The following ATP6V0A4 variants were observed in gnomAD, a reference collection of about 807,000 sequenced individuals.
The protein encoded by ATP6V0A4 is V-type proton ATPase 116 kDa subunit a 4.
In ATP6V0A4, 86 loss-of-function variants were observed where a neutral mutation model predicts 107.3. The observed-to-expected ratio is 0.80, with a 90% CI of 0.67 to 0.96. ATP6V0A4 has a LOEUF of 0.96. Ranked by LOEUF, ATP6V0A4 falls within the 40% of genes least tolerant of loss-of-function variation. The pLI, the probability that ATP6V0A4 is intolerant of heterozygous loss-of-function variation, is 0.00. For synonymous variants in ATP6V0A4, 353 were observed against 381.4 expected (o/e 0.93, Z 0.87); for missense variants, 908 against 1,045.6 (o/e 0.87, Z 1.81).
intron 1 of ATP6V0A4, among the ~76,000 whole-genome samples, chr7:138,787,953 T>C (rs1394505178): frequency 6.6e-6 from 1 of 152,028 alleles, no homozygotes; most frequent in Non-Finnish European, 1.5e-5. Context: ...TGAGTTGTGA[T>C]TGCACCACTG....
chr7:138,718,570 G>A (rs1172308685), intron 19 of ATP6V0A4, among the ~76,000 whole-genome samples: 14 of 60,168 alleles, frequency 2.3e-4, no homozygotes, highest in African/African-American at 9.0e-4. Context: ...GGAGACATCC[G>A]GAGAGGCATG....
At chr7:138,720,121 A>C (rs754704528) in intron 19 of ATP6V0A4, among the ~76,000 whole-genome samples, 1 of 152,010 alleles carries the variant, frequency 6.6e-6, no homozygotes, top group Non-Finnish European at 1.5e-5. Context: ...GCGAATGTAT[A>C]GTCAGCTTGC....
intron 7 of ATP6V0A4, among the ~76,000 whole-genome samples, chr7:138,761,986 A>G (rs1806842647): frequency 1.3e-5 from 2 of 152,142 alleles, no homozygotes; most frequent in South Asian, 4.1e-4. Flanking sequence ...GGCTCCCAAA[A>G]TAGTATTTTA....
intron 18 of ATP6V0A4, 102 bp downstream of exon 18, chr7:138,728,659 G>T: frequency 6.6e-7 from 1 of 1,518,536 alleles, no homozygotes; most frequent in Non-Finnish European, 9.1e-7. Flanking sequence ...CATTCTTCTG[G>T]CCCTGGCAGC....
At chr7:138,749,087 C>G in intron 12 of ATP6V0A4, 80 bp downstream of exon 12, 1 of 1,567,178 alleles carries the variant, frequency 6.4e-7, no homozygotes. Context: ...AACAAGTTCA[C>G]CACCTCGGTC....
chr7:138,794,151 G>A (rs968235813), intron 1 of ATP6V0A4, among the ~76,000 whole-genome samples: 1 of 152,126 alleles, frequency 6.6e-6, no homozygotes, highest in African/African-American at 2.4e-5. Context: ...CAACCACCCA[G>A]AGCCTGACAT....
intron 19 of ATP6V0A4, among the ~76,000 whole-genome samples, chr7:138,718,471 T>G (rs1045184779): frequency 1.7e-3 from 22 of 13,182 alleles, no homozygotes; most frequent in African/African-American, 1.9e-3. Flanking sequence ...ATGGGGGGGA[T>G]GGCGGGGAGG....
intron 1 of ATP6V0A4, among the ~76,000 whole-genome samples, chr7:138,789,410 C>A (rs911736522): frequency 5.9e-5 from 9 of 151,398 alleles, no homozygotes; most frequent in African/African-American, 2.2e-4. Context: ...ATCACGCCTG[C>A]CTAGTTTTTG....
intron 13 of ATP6V0A4, 119 bp from the exon 14 acceptor site, chr7:138,745,399 T>C (rs1433385127): frequency 1.0e-5 from 15 of 1,446,242 alleles, no homozygotes; most frequent in African/African-American, 8.4e-5. Context: ...GGGAGCCACA[T>C]GACCACAGCA....
chr7:138,720,126 G>A (rs1804358526), intron 19 of ATP6V0A4, among the ~76,000 whole-genome samples: 1 of 152,166 alleles, frequency 6.6e-6, no homozygotes, highest in Non-Finnish European at 1.5e-5. Flanking sequence ...TGTATAGTCA[G>A]CTTGCCTGAA....
At chr7:138,762,583 G>T in intron 6 of ATP6V0A4, 149 bp from the exon 7 acceptor site, 1 of 1,415,090 alleles carries the variant, frequency 7.1e-7, no homozygotes, top group Non-Finnish European at 9.4e-7. Flanking sequence ...CTCCTGGCCA[G>T]ATCAAAAAGC....
intron 1 of ATP6V0A4, among the ~76,000 whole-genome samples, chr7:138,795,732 C>T (rs1190927856): frequency 6.6e-6 from 1 of 152,180 alleles, no homozygotes; most frequent in Non-Finnish European, 1.5e-5. Context: ...CCTCAACCTC[C>T]TGGGCTCAAG....
At chr7:138,777,891 T>C (rs1237896473) in intron 2 of ATP6V0A4, among the ~76,000 whole-genome samples, 7 of 152,198 alleles carry the variant, frequency 4.6e-5, no homozygotes, top group African/African-American at 1.4e-4. Flanking sequence ...ATCCCTAATC[T>C]GAAAATTCAA....
intron 2 of ATP6V0A4, among the ~76,000 whole-genome samples, chr7:138,782,325 T>A (rs1807962896): frequency 2.0e-5 from 3 of 152,156 alleles, no homozygotes; most frequent in African/African-American, 7.2e-5. Flanking sequence ...TGTGTCCAAA[T>A]CCCTTTTTAT....
At chr7:138,710,858 G>T (rs1211076867) in intron 20 of ATP6V0A4, among the ~76,000 whole-genome samples, 1 of 152,076 alleles carries the variant, frequency 6.6e-6, no homozygotes. Flanking sequence ...AGTTTCAGGG[G>T]ATTTACAGAA....
At chr7:138,760,015 T>G in intron 7 of ATP6V0A4, 137 bp from the exon 8 acceptor site, 3 of 1,501,128 alleles carry the variant, frequency 2.0e-6, no homozygotes, top group Non-Finnish European at 2.7e-6. Context: ...GACACAGCTC[T>G]ACCGACATGA....
At chr7:138,751,743 C>T (rs987093837) in intron 11 of ATP6V0A4, among the ~76,000 whole-genome samples, 9 of 152,046 alleles carry the variant, frequency 5.9e-5, no homozygotes, top group Admixed American at 1.3e-4. Flanking sequence ...TCGGACACAC[C>T]GCAAGCGATC....
chr7:138,784,420 G>A (rs1463378281), intron 2 of ATP6V0A4, among the ~76,000 whole-genome samples: 1 of 149,518 alleles, frequency 6.7e-6, no homozygotes, highest in African/African-American at 2.5e-5. Flanking sequence ...CTGGGTTCAC[G>A]CCATTCTCCT....
Position 138,745,300 on chromosome 7 carries a change from G to A in ATP6V0A4, c.1321-20C>T. 6.2e-7 allele frequency: 1 copy of A among 1,613,762 alleles called. No individual in the cohort carries two copies. Among genetic ancestry groups the A allele is most frequent in the Non-Finnish European group, 8.5e-7 (1 of 1,179,948 alleles). On this transcript the variant is annotated intron_variant, in intron 13 of 21. Transcript: ENST00000310018. The stretch of plus-strand genomic sequence containing the variant: ...CCAAATCTGGCCTCAGAGAGACAGA[G>A]AGGATGATTGTCAGTGGGCTCTGAA...
Sources: gnomAD v4.1 joint callset for allele counts (sites outside exome capture counted in the v4.1 genomes callset) on GRCh38, gnomAD v4.1.1 for gene constraint, MANE v1.5 for transcripts, NCBI Gene and HGNC (gene_info 2026-07-23, HGNC 2026-07-21) for gene names.